The following AK5 variants were observed in gnomAD, a reference collection of about 807,000 sequenced individuals.
The protein encoded by AK5 is adenylate kinase isoenzyme 5.
A neutral mutation model predicts 69.5 loss-of-function variants in AK5; 27 were observed. That is an observed-to-expected ratio of 0.39 (90% CI 0.29 to 0.54). The LOEUF (loss-of-function observed/expected upper bound fraction) is 0.54, where lower values mean the gene tolerates loss of function less well. AK5 is among the 20% of genes least tolerant of loss of function. AK5 has a pLI of 0.71. For synonymous variants in AK5, 260 were observed against 244.4 expected, an observed-to-expected ratio of 1.06 and a Z score of -0.60; for missense variants, 531 against 700.4, an observed-to-expected ratio of 0.76 and a Z score of 2.73.
At chr1:77,374,962 C>T (rs542730676) in intron 6 of AK5, among the ~76,000 whole-genome samples, 1 of 152,186 alleles carries the variant, frequency 6.6e-6, no homozygotes, top group Non-Finnish European at 1.5e-5. Context: ...CCTTTTGACA[C>T]GGGCCTATGT....
intron 12 of AK5, among the ~76,000 whole-genome samples, chr1:77,522,161 A>C (rs1464084521): frequency 6.6e-6 from 1 of 152,118 alleles, no homozygotes; most frequent in Non-Finnish European, 1.5e-5. Context: ...CAGATATCCA[A>C]ATGTGTTCAT....
At chr1:77,404,792 G>A (rs563136847) in intron 6 of AK5, among the ~76,000 whole-genome samples, 1 of 152,280 alleles carries the variant, frequency 6.6e-6, no homozygotes, top group African/African-American at 2.4e-5. Context: ...ACGTTTGTAT[G>A]TCCAGAGCTT....
intron 10 of AK5, among the ~76,000 whole-genome samples, chr1:77,501,959 C>T (rs1656745560): frequency 6.6e-6 from 1 of 152,148 alleles, no homozygotes; most frequent in Non-Finnish European, 1.5e-5. Flanking sequence ...GCTTAATTCC[C>T]TAATCAAGTC....
At chr1:77,334,510 A>G (rs191117541) in intron 5 of AK5, among the ~76,000 whole-genome samples, 1 of 152,094 alleles carries the variant, frequency 6.6e-6, no homozygotes, top group East Asian at 1.9e-4. Flanking sequence ...GAAAATTCTT[A>G]GGTATTATAT....
chr1:77,465,105 G>A (rs1654063503), intron 8 of AK5, among the ~76,000 whole-genome samples: 1 of 152,056 alleles, frequency 6.6e-6, no homozygotes, highest in African/African-American at 2.4e-5. Flanking sequence ...TTGTTAGCTG[G>A]TGCAAGGTTT....
chr1:77,462,254 C>A (rs117564235), intron 8 of AK5, among the ~76,000 whole-genome samples: 8 of 152,184 alleles, frequency 5.3e-5, no homozygotes, highest in South Asian at 2.1e-4. Context: ...CTTGATCCAG[C>A]GAGGCTGGAC....
intron 8 of AK5, among the ~76,000 whole-genome samples, chr1:77,423,113 T>A (rs1570543827): frequency 6.7e-6 from 1 of 149,490 alleles, no homozygotes; most frequent in Non-Finnish European, 1.5e-5. Flanking sequence ...CCCAGCTACT[T>A]GGGAGGCTGA....
intron 6 of AK5, among the ~76,000 whole-genome samples, chr1:77,408,097 G>A (rs917131670): frequency 6.6e-6 from 1 of 152,080 alleles, no homozygotes; most frequent in Non-Finnish European, 1.5e-5. Context: ...GAACATATGA[G>A]TGCATTTGTC....
chr1:77,482,324 C>G (rs1256515707), intron 8 of AK5, among the ~76,000 whole-genome samples: 1 of 152,056 alleles, frequency 6.6e-6, no homozygotes, highest in African/African-American at 2.4e-5. Context: ...AATTTTTTTC[C>G]AACCACCATG....
intron 12 of AK5, among the ~76,000 whole-genome samples, chr1:77,524,904 T>C (rs867688437): frequency 6.6e-6 from 1 of 152,234 alleles, no homozygotes; most frequent in Middle Eastern, 3.4e-3. Flanking sequence ...TCCAGTTTGT[T>C]TGTTTGTTTC....
intron 8 of AK5, among the ~76,000 whole-genome samples, chr1:77,421,522 G>A (rs1039362987): frequency 6.6e-6 from 1 of 152,180 alleles, no homozygotes; most frequent in Non-Finnish European, 1.5e-5. Context: ...GGAAGGAGAA[G>A]AACTTGAGGA....
intron 2 of AK5, among the ~76,000 whole-genome samples, chr1:77,290,019 G>T (rs995440225): frequency 6.6e-6 from 1 of 152,052 alleles, no homozygotes; most frequent in Non-Finnish European, 1.5e-5. Context: ...GAAAATGTAG[G>T]CTTAATTTTC....
chr1:77,491,304 A>ATTTTTTTTTTTTTTTTT (rs10700619), intron 10 of AK5, among the ~76,000 whole-genome samples: 3 of 87,366 alleles, frequency 3.4e-5, no homozygotes, highest in African/African-American at 4.5e-5. Context: ...CATGAATTGA[A>ATTTTTTTTTTTTTTTTT]TTTTTTTTTT....
intron 8 of AK5, among the ~76,000 whole-genome samples, chr1:77,455,091 G>C (rs1653392127): frequency 6.6e-6 from 1 of 152,074 alleles, no homozygotes; most frequent in African/African-American, 2.4e-5. Context: ...CTATCTAGCG[G>C]GCATTAGTAA....
intron 6 of AK5, among the ~76,000 whole-genome samples, chr1:77,397,970 C>T (rs931924280): frequency 1.3e-5 from 2 of 152,198 alleles, no homozygotes; most frequent in Non-Finnish European, 2.9e-5. Flanking sequence ...TGGTATCTCT[C>T]ATCATAATGT....
chr1:77,362,455 C>T (rs1225243364), intron 6 of AK5, among the ~76,000 whole-genome samples: 1 of 152,072 alleles, frequency 6.6e-6, no homozygotes, highest in Non-Finnish European at 1.5e-5. Flanking sequence ...AATGTCACAA[C>T]TCATGAGCCA....
At chr1:77,344,619 T>G (rs1402245029) in intron 6 of AK5, among the ~76,000 whole-genome samples, 1 of 152,184 alleles carries the variant, frequency 6.6e-6, no homozygotes, top group African/African-American at 2.4e-5. Context: ...ATTTCCCTTT[T>G]ATAGATTTTT....
intron 6 of AK5, among the ~76,000 whole-genome samples, chr1:77,400,503 G>T (rs1441801250): frequency 1.3e-5 from 2 of 152,130 alleles, no homozygotes; most frequent in Admixed American, 1.3e-4. Context: ...TCAGTAAATG[G>T]CGTTACCTGG....
chr1:77,320,410 C>CAA (rs1660467569), intron 5 of AK5, among the ~76,000 whole-genome samples: 1 of 152,102 alleles, frequency 6.6e-6, no homozygotes, highest in African/African-American at 2.4e-5. Flanking sequence ...TTACAAGAGA[C>CAA]ACTTTTTAAA....
Sources: allele counts gnomAD v4.1 joint callset (sites outside exome capture counted in the v4.1 genomes callset), GRCh38; gene constraint gnomAD v4.1.1; transcripts MANE v1.5; gene names NCBI Gene and HGNC (gene_info 2026-07-23, HGNC 2026-07-21).